The following TOLLIP variants were observed in gnomAD, a reference collection of about 807,000 sequenced individuals.
TOLLIP encodes the protein toll-interacting protein.
TOLLIP carries 16 observed loss-of-function variants against 33.5 expected under a neutral mutation model. The observed-to-expected ratio is 0.48, with a 90% CI of 0.32 to 0.72. The LOEUF is 0.72. Ranked by LOEUF, TOLLIP falls within the 30% of genes least tolerant of loss-of-function variation. The pLI is 0.03. For missense variants in TOLLIP, 325 were observed against 396.6 expected (o/e 0.82, Z 1.53); for synonymous variants, 176 against 163.7 (o/e 1.07, Z -0.57).
Position 1,276,907 on chromosome 11 carries a change from C to T in TOLLIP, c.*132G>A, listed in dbSNP as rs41314515. 8,223 of 1,562,872 alleles carry T rather than the reference C, an allele frequency of 5.3e-3. 95 individuals are homozygous for T. The highest frequency in any genetic ancestry group is 0.036 in the South Asian group (3,139 of 86,084). ...CACCCAAGAACAGGTGTGGACGGGG[C>T]GGCACAGAAGTCCACGGGAGGGGGC... is the stretch of plus-strand genomic sequence containing the variant. On this transcript the variant is annotated 3_prime_UTR_variant, in exon 6 of 6. Coordinates refer to ENST00000317204, the MANE Select transcript of TOLLIP (RefSeq NM_019009.4).
At chr11:1,301,880 G>T in intron 1 of TOLLIP, among the ~76,000 whole-genome samples, 1 of 152,260 alleles carries the variant, frequency 6.6e-6, no homozygotes, top group South Asian at 2.1e-4. Flanking sequence ...AACATCTAGG[G>T]ATATGGGCGG....
chr11:1,295,327 G>A (rs5743934), intron 2 of TOLLIP: 6,474 of 246,688 alleles, frequency 0.026, 417 homozygotes, highest in African/African-American at 0.13. Context: ...TGCCGGCCGC[G>A]CCTCCTCCAG....
Position 1,295,917 on chromosome 11 carries a change from T to C in TOLLIP, c.34-123A>G, listed in dbSNP as rs1365736656. ...CCCATGTCCTTATCAAGTCCTGGAC[T>C]GTGCTCAGCCTCAGTTTCCTCATCT... On this transcript the variant is annotated intron_variant, in intron 1 of 5. Transcript: ENST00000317204. 1.3e-5 allele frequency: 16 copies of C among 1,254,908 alleles called. 1 individual carries two copies. Among genetic ancestry groups the C allele is most frequent in the Middle Eastern group, 2.8e-4 (1 of 3,514 alleles). The allele number at this position is 1,254,908 out of a possible 1,614,324, so 77.7% of individuals were successfully genotyped here. A position where few individuals can be genotyped will look rare whatever the true frequency, so the allele number is the denominator to read the frequency against.
At chr11:1,306,518 C>A (rs534451177) in intron 1 of TOLLIP, among the ~76,000 whole-genome samples, 1 of 152,262 alleles carries the variant, frequency 6.6e-6, no homozygotes, top group East Asian at 1.9e-4. Context: ...AACCTCCTGC[C>A]TCTCTGGCAC....
chr11:1,300,341 C>T (rs536166702), intron 1 of TOLLIP, among the ~76,000 whole-genome samples: 4 of 152,332 alleles, frequency 2.6e-5, no homozygotes, highest in Admixed American at 2.6e-4. Context: ...CCCTCACTGA[C>T]GCCAGAGCTC....
intron 1 of TOLLIP, among the ~76,000 whole-genome samples, chr11:1,304,967 G>T (rs1372196290): frequency 6.6e-6 from 1 of 152,180 alleles, no homozygotes; most frequent in Non-Finnish European, 1.5e-5. Context: ...ATCCAGCTAC[G>T]TGCTATCGAT....
chr11:1,276,665 C>T lies in TOLLIP; in HGVS notation c.*374G>A. 7.4e-7 allele frequency: 1 copy of T among 1,344,834 alleles called. No individual in the cohort carries two copies. The highest frequency in any genetic ancestry group is 9.8e-7 in the Non-Finnish European group (1 of 1,025,200). 83.3% of individuals were successfully genotyped at this position (1,344,834 alleles called of 1,614,324 possible). ...CAACAGCTCTATTCCAATTACATCA[C>T]ATCACAAAATGCCATGAATGGAATC... On this transcript the variant is annotated 3_prime_UTR_variant, in exon 6 of 6. Transcript: ENST00000317204.
intron 1 of TOLLIP, among the ~76,000 whole-genome samples, chr11:1,308,430 C>A (rs1490704292): frequency 6.6e-6 from 1 of 152,236 alleles, no homozygotes; most frequent in Non-Finnish European, 1.5e-5. Context: ...CACCATGCTA[C>A]CTGTACAGCC....
chr11:1,280,058 A>G (rs1251817293), intron 5 of TOLLIP, among the ~76,000 whole-genome samples: 2 of 152,310 alleles, frequency 1.3e-5, no homozygotes, highest in African/African-American at 4.8e-5. Flanking sequence ...TTTCAAAGCG[A>G]CCAAGTTAGC....
In TOLLIP at chr11:1,284,394, G is replaced by GCTCCAGC. The variant is rs1316348262; in HGVS notation, c.610+1607_610+1608insGCTGGAG. 1.7e-4 allele frequency among the ~76,000 whole-genome samples: 26 copies of GCTCCAGC among 152,114 alleles called. No individual in the cohort carries two copies. The South Asian group carries it at 3.5e-3, about 21-fold the overall frequency. ...GATGGAGTCTTGCTCTGTCACCCAG[G>GCTCCAGC]CTGGAGTGCAGTGGCGCAATCTCGG... On this transcript the variant is annotated intron_variant, in intron 5 of 5. Transcript: ENST00000317204.
chr11:1,289,888 C>T (rs5743956), intron 3 of TOLLIP, among the ~76,000 whole-genome samples: 2,952 of 146,432 alleles, frequency 0.02, 80 homozygotes, highest in African/African-American at 0.07. Flanking sequence ...CAGTGCCCAG[C>T]GGAGGGGACA....
rs373551427 is a variant in TOLLIP at position 1,300,870 on chromosome 11, C to A, written c.34-5076G>T. ...GTTTCCTGGCCACTTCCATGACTGG[C>A]CCCCTGCGGAGCCTTTTTAAACCTT... On this transcript the variant is annotated intron_variant, in intron 1 of 5. Coordinates refer to ENST00000317204, the MANE Select transcript of TOLLIP (RefSeq NM_019009.4). 1.5e-4 allele frequency among the ~76,000 whole-genome samples: 23 copies of A among 152,354 alleles called. 1 individual carries two copies. The South Asian group carries it at 4.8e-3, about 32-fold the overall frequency.
rs1439752944 is a variant in TOLLIP at position 1,277,639 on chromosome 11, C to G, written c.611-386G>C. Among the ~76,000 whole-genome samples, 1 of 152,318 alleles carries G rather than the reference C, an allele frequency of 6.6e-6. No homozygotes were observed. The highest frequency in any genetic ancestry group is 1.9e-4 in the East Asian group (1 of 5,180). On this transcript the variant is annotated intron_variant, in intron 5 of 5. Coordinates refer to ENST00000317204, the MANE Select transcript of TOLLIP (RefSeq NM_019009.4). This position sits in a 1 kb window ranked among gnomAD's most constrained non-coding sequence, Gnocchi z 4.2. ...ACGCTCGTCTTCACTGACCAGTGGG[C>G]TCACAGAGTCCTCTGCATCTGGGGA... is the stretch of plus-strand genomic sequence containing the variant.
intron 5 of TOLLIP, among the ~76,000 whole-genome samples, chr11:1,281,014 G>A (rs1049826542): frequency 5.3e-5 from 8 of 152,236 alleles, no homozygotes; most frequent in Non-Finnish European, 8.8e-5. Flanking sequence ...CCACTCTGCA[G>A]CTCCGTGGAA....
intron 5 of TOLLIP, among the ~76,000 whole-genome samples, chr11:1,279,334 G>A (rs753163109): frequency 1.3e-5 from 2 of 152,248 alleles, no homozygotes; most frequent in Admixed American, 6.5e-5. Flanking sequence ...CCTTCCTGCA[G>A]GGCAGAGGCC....
chr11:1,284,952 T>C (rs942423657), intron 5 of TOLLIP, among the ~76,000 whole-genome samples: 1 of 152,104 alleles, frequency 6.6e-6, no homozygotes, highest in African/African-American at 2.4e-5. Context: ...ACTCCCAAGG[T>C]GGCCTTTCTG....
chr11:1,308,256 C>T (rs972505057), intron 1 of TOLLIP, among the ~76,000 whole-genome samples: 61 of 152,194 alleles, frequency 4.0e-4, no homozygotes, highest in Non-Finnish European at 5.9e-5. Flanking sequence ...TGGCTTGGTG[C>T]TGTCCCGGTG....
chr11:1,280,501 T>C (rs1405192756), intron 5 of TOLLIP, among the ~76,000 whole-genome samples: 2 of 149,978 alleles, frequency 1.3e-5, no homozygotes, highest in African/African-American at 2.5e-5. Flanking sequence ...ACTGCGCCGG[T>C]GAGGACGTGG....
rs1285068834 is a variant in TOLLIP, at chr11:1,276,770, G to A, written c.*269C>T. On this transcript the variant is annotated 3_prime_UTR_variant, in exon 6 of 6. Transcript: ENST00000317204. ...AAGAGCATTTTCCAGAACGGCATGAGAAGGAGAGACGCACGTCCCAGGGAC... is the reference window on the plus strand; with the variant it reads ...AAGAGCATTTTCCAGAACGGCATGAAAAGGAGAGACGCACGTCCCAGGGAC... 1 of 1,505,318 alleles carries A rather than the reference G, an allele frequency of 6.6e-7. No individual in the cohort carries two copies. Among genetic ancestry groups the A allele is most frequent in the Non-Finnish European group, 8.9e-7 (1 of 1,127,280 alleles). The allele number at this position is 1,505,318 out of a possible 1,614,324, so 93.2% of individuals were successfully genotyped here.
Sources: allele counts gnomAD v4.1 joint callset (sites outside exome capture counted in the v4.1 genomes callset), GRCh38; gene constraint gnomAD v4.1.1; non-coding constraint Gnocchi (gnomAD v3.1); transcripts MANE v1.5; gene names NCBI Gene and HGNC (gene_info 2026-07-23, HGNC 2026-07-21).